Variants in STAB2 observed in about 807,000 individuals in gnomAD.
STAB2 encodes stabilin-2.
Under a neutral mutation model 338.1 loss-of-function variants are expected in STAB2, and 288 were observed. That is an observed-to-expected ratio of 0.85 (90% CI 0.77 to 0.94). The LOEUF (loss-of-function observed/expected upper bound fraction) is 0.94, where lower values mean the gene tolerates loss of function less well. Among genes scored for constraint, STAB2 ranks in the 40% least tolerant of loss-of-function variants. The pLI is 0.00. For missense variants in STAB2, 3,141 were observed against 3,210.1 expected, an observed-to-expected ratio of 0.98 and a Z score of 0.52; for synonymous variants, 1,202 against 1,193.3, an observed-to-expected ratio of 1.01 and a Z score of -0.15.
chr12:103,660,727 G>A lies in STAB2; in HGVS notation c.1833G>A (p.Met611Ile). Reference protein sequence around the residue: ...TLISTPHIRSMANQLIQFNTT... With the variant: ...TLISTPHIRSIANQLIQFNTT... ...TCTCCACCCCTCACATCAGGAGCAT[G>A]GCCAACCAGCTCATACAGTTCAACA... The change falls in exon 17 of 69, where the codon ATG (methionine) becomes ATA (isoleucine). Residue 611 changes from methionine to isoleucine, a missense_variant. Physicochemically the swap from Met to Ile is conservative, Grantham distance 10 (BLOSUM62 1). Coordinates refer to ENST00000388887, the MANE Select transcript of STAB2 (RefSeq NM_017564.10). 1.2e-6 allele frequency: 2 copies of A among 1,614,070 alleles called. No homozygotes were observed. The highest frequency in any genetic ancestry group is 1.1e-5 in the South Asian group (1 of 91,074).
intron 26 of STAB2, 94 bp downstream of exon 26, chr12:103,683,394 AC>A: frequency 9.0e-7 from 1 of 1,107,360 alleles, no homozygotes; most frequent in East Asian, 2.6e-5. Flanking sequence ...CTAGTGATGA[AC>A]AAAATCTCTT....
intron 5 of STAB2, among the ~76,000 whole-genome samples, chr12:103,622,736 T>C (rs907061888): frequency 2.0e-5 from 3 of 152,222 alleles, no homozygotes; most frequent in African/African-American, 2.4e-5. Flanking sequence ...AGCCCTGGCA[T>C]GTGCAGTCAG....
intron 68 of STAB2, chr12:103,766,045 C>T (rs544254949): frequency 9.1e-6 from 6 of 659,348 alleles, no homozygotes; most frequent in South Asian, 1.5e-5. Flanking sequence ...AAACTGCAGC[C>T]GAGTTGGGAT....
chr12:103,713,945 T>G (rs1880092378), intron 42 of STAB2, among the ~76,000 whole-genome samples, 177 bp downstream of exon 42: 1 of 152,252 alleles, frequency 6.6e-6, no homozygotes, highest in Non-Finnish European at 1.5e-5. Flanking sequence ...AGGCATGTCA[T>G]GTCCAAAAAT....
At chr12:103,716,953 G>T (rs1036732462) in intron 43 of STAB2, among the ~76,000 whole-genome samples, 2 of 152,226 alleles carry the variant, frequency 1.3e-5, no homozygotes, top group South Asian at 4.1e-4. Flanking sequence ...GGCCCATTGT[G>T]AAGAAAGAGG....
chr12:103,599,170 C>T (rs1370585092), intron 3 of STAB2, among the ~76,000 whole-genome samples: 1 of 152,196 alleles, frequency 6.6e-6, no homozygotes, highest in Non-Finnish European at 1.5e-5. Context: ...AAGGTGGTGA[C>T]ATGGAATAGG....
intron 34 of STAB2, 140 bp downstream of exon 34, chr12:103,699,367 C>A: frequency 8.8e-7 from 1 of 1,133,894 alleles, no homozygotes; most frequent in Non-Finnish European, 1.2e-6. Flanking sequence ...AAAGACATAG[C>A]CAAGACTGGA....
At chr12:103,656,107 T>A (rs1460438572) in intron 15 of STAB2, among the ~76,000 whole-genome samples, 1 of 152,262 alleles carries the variant, frequency 6.6e-6, no homozygotes, top group Non-Finnish European at 1.5e-5. Context: ...AGGGCAATTA[T>A]TGACTTCTTC....
At chr12:103,737,594 C>A in intron 52 of STAB2, 40 bp from the exon 53 acceptor site, 1 of 1,393,882 alleles carries the variant, frequency 7.2e-7, no homozygotes, top group Non-Finnish European at 9.6e-7. Flanking sequence ...CTCTCTCTCT[C>A]TCTCTCTTTC....
chr12:103,624,437 G>A (rs1287657304), intron 5 of STAB2, among the ~76,000 whole-genome samples: 1 of 152,156 alleles, frequency 6.6e-6, no homozygotes, highest in Non-Finnish European at 1.5e-5. Context: ...TGCTAATCAT[G>A]GAGACATAGG....
intron 3 of STAB2, among the ~76,000 whole-genome samples, chr12:103,604,935 C>T (rs1957005066): frequency 7.4e-6 from 1 of 136,004 alleles, no homozygotes; most frequent in South Asian, 2.4e-4. Context: ...AAGTTTGAGT[C>T]ATTATTTAAA....
intron 3 of STAB2, among the ~76,000 whole-genome samples, chr12:103,614,705 C>T (rs539453371): frequency 6.6e-6 from 1 of 152,322 alleles, no homozygotes; most frequent in South Asian, 2.1e-4. Context: ...CCAGCTGATA[C>T]ACCACACAAC....
intron 55 of STAB2, among the ~76,000 whole-genome samples, 199 bp downstream of exon 55, chr12:103,740,955 T>A (rs1421287498): frequency 1.3e-5 from 2 of 152,228 alleles, no homozygotes; most frequent in Non-Finnish European, 2.9e-5. Flanking sequence ...GAGATCCTGC[T>A]GTGCATATAT....
chr12:103,608,653 G>A (rs1027734867), intron 3 of STAB2, among the ~76,000 whole-genome samples: 36 of 152,136 alleles, frequency 2.4e-4, no homozygotes, highest in Admixed American at 1.8e-3. Context: ...TCACTCTGAC[G>A]GTAGTTTCTT....
intron 65 of STAB2, 141 bp from the exon 66 acceptor site, chr12:103,761,156 TGAG>T (rs1418185507): frequency 1.6e-5 from 11 of 677,944 alleles, no homozygotes; most frequent in Admixed American, 4.8e-5. Context: ...GTCCAGAGGG[TGAG>T]GAGAAGTCCT....
intron 4 of STAB2, among the ~76,000 whole-genome samples, chr12:103,621,401 A>G (rs1957299807): frequency 6.6e-6 from 1 of 151,562 alleles, no homozygotes; most frequent in Admixed American, 6.6e-5. Context: ...AATACAAGGA[A>G]ATCCTTCTGA....
chr12:103,603,013 G>T (rs1193005961), intron 3 of STAB2, among the ~76,000 whole-genome samples: 1 of 152,052 alleles, frequency 6.6e-6, no homozygotes, highest in Admixed American at 6.6e-5. Flanking sequence ...AAGCTTTGTA[G>T]TTGGCTTTAC....
chr12:103,646,875 T>G (rs914974128), intron 9 of STAB2, among the ~76,000 whole-genome samples: 1 of 152,166 alleles, frequency 6.6e-6, no homozygotes, highest in Admixed American at 6.5e-5. Flanking sequence ...AGGGTTGTGA[T>G]AGAGGTATCG....
At chr12:103,639,573 C>G (rs1303507404) in intron 8 of STAB2, among the ~76,000 whole-genome samples, 2 of 151,920 alleles carry the variant, frequency 1.3e-5, no homozygotes, top group African/African-American at 4.8e-5. Context: ...GCATGATGGT[C>G]CACACCTGTA....
Sources: gnomAD v4.1 joint callset for allele counts (sites outside exome capture counted in the v4.1 genomes callset) on GRCh38, gnomAD v4.1.1 for gene constraint, MANE v1.5 for transcripts, NCBI Gene and HGNC (gene_info 2026-07-23, HGNC 2026-07-21) for gene names.